The following GADL1 variants were observed in gnomAD, a reference collection of about 807,000 sequenced individuals.
GADL1 encodes the protein GAD like acidic amino acid decarboxylase 1, also known as acidic amino acid decarboxylase GADL1.
GADL1 carries 71 observed loss-of-function variants against 69.5 expected under a neutral mutation model. The ratio of observed to expected loss-of-function variants is 1.02; its 90% CI spans 0.84 to 1.25. GADL1 has a LOEUF of 1.25. Among genes scored for constraint, GADL1 ranks in the 50% most tolerant of loss-of-function variants. The pLI, the probability that GADL1 is intolerant of heterozygous loss-of-function variation, is 0.00. For synonymous variants in GADL1, 254 were observed against 214.4 expected (o/e 1.18, Z -1.62); for missense variants, 737 against 631.8 (o/e 1.17, Z -1.79).
intron 8 of GADL1, among the ~76,000 whole-genome samples, chr3:30,842,304 C>T (rs1287062987): frequency 6.6e-6 from 1 of 151,892 alleles, no homozygotes; most frequent in Non-Finnish European, 1.5e-5. Flanking sequence ...CATAAATATA[C>T]TCAACTATTT....
At chr3:30,870,807 G>T (rs1163413481) in intron 1 of GADL1, among the ~76,000 whole-genome samples, 2 of 151,662 alleles carry the variant, frequency 1.3e-5, no homozygotes, top group African/African-American at 4.9e-5. Context: ...GAAAGCAAAA[G>T]AATTTAAAGT....
At chr3:30,755,420 C>G (rs1695944924) in intron 14 of GADL1, among the ~76,000 whole-genome samples, 1 of 152,174 alleles carries the variant, frequency 6.6e-6, no homozygotes, top group Admixed American at 6.6e-5. Context: ...AAAAACTTCT[C>G]TAAGCCAGCA....
chr3:30,756,724 A>C (rs998489393), intron 14 of GADL1, among the ~76,000 whole-genome samples: 1 of 152,166 alleles, frequency 6.6e-6, no homozygotes, highest in African/African-American at 2.4e-5. Flanking sequence ...GTTGTCCCAG[A>C]TGAGGCCATC....
chr3:30,834,167 G>T, intron 10 of GADL1, 50 bp downstream of exon 10: 1 of 1,376,272 alleles, frequency 7.3e-7, no homozygotes. Flanking sequence ...AGTCCAAAGA[G>T]ATCCCTTTGC....
chr3:30,881,590 A>G (rs1698641460), intron 1 of GADL1, among the ~76,000 whole-genome samples: 1 of 151,926 alleles, frequency 6.6e-6, no homozygotes, highest in African/African-American at 2.4e-5. Context: ...TAAGAACTCA[A>G]GAACAGCAAT....
chr3:30,790,304 A>G (rs553054920), intron 12 of GADL1, among the ~76,000 whole-genome samples: 61 of 152,296 alleles, frequency 4.0e-4, no homozygotes, highest in African/African-American at 1.4e-3. Context: ...GGTGCATTCT[A>G]TGGAGCCCCA....
chr3:30,818,754 C>A (rs1302582123), intron 11 of GADL1, among the ~76,000 whole-genome samples: 1 of 152,064 alleles, frequency 6.6e-6, no homozygotes, highest in Non-Finnish European at 1.5e-5. Flanking sequence ...AATCTGGCAA[C>A]CCTACACTGA....
intron 14 of GADL1, among the ~76,000 whole-genome samples, chr3:30,753,096 G>A (rs1575184947): frequency 6.6e-6 from 1 of 152,106 alleles, no homozygotes; most frequent in East Asian, 1.9e-4. Context: ...ATAAATAAGT[G>A]CAGTGTCTTT....
chr3:30,788,819 G>A (rs1696853931), intron 12 of GADL1, among the ~76,000 whole-genome samples: 1 of 152,132 alleles, frequency 6.6e-6, no homozygotes, highest in Non-Finnish European at 1.5e-5. Context: ...CATAGGAAGA[G>A]GCTCCTCATC....
At chr3:30,752,574 G>A (rs1265623975) in intron 14 of GADL1, among the ~76,000 whole-genome samples, 2 of 152,130 alleles carry the variant, frequency 1.3e-5, no homozygotes, top group African/African-American at 4.8e-5. Flanking sequence ...CAGTCTCGAG[G>A]AGTTATGCGA....
chr3:30,886,932 C>T (rs1038016662), intron 1 of GADL1, among the ~76,000 whole-genome samples: 4 of 152,182 alleles, frequency 2.6e-5, no homozygotes, highest in Admixed American at 6.5e-5. Context: ...AACAGCAGCA[C>T]GTACAGAATG....
At chr3:30,784,082 A>T (rs1037487049) in intron 13 of GADL1, among the ~76,000 whole-genome samples, 5 of 152,182 alleles carry the variant, frequency 3.3e-5, no homozygotes, top group Admixed American at 1.3e-4. Flanking sequence ...CTCAATTCAA[A>T]TAGGACTGCT....
intron 12 of GADL1, among the ~76,000 whole-genome samples, chr3:30,794,171 G>A (rs775026896): frequency 1.3e-4 from 20 of 152,054 alleles, no homozygotes; most frequent in Non-Finnish European, 2.1e-4. Flanking sequence ...TACACCCCTC[G>A]GTATCCATGC....
At chr3:30,752,684 A>C (rs1488394165) in intron 14 of GADL1, among the ~76,000 whole-genome samples, 1 of 152,196 alleles carries the variant, frequency 6.6e-6, no homozygotes, top group Non-Finnish European at 1.5e-5. Context: ...CAGTAGCAGA[A>C]GGGAGAAAGT....
At chr3:30,875,794 A>C (rs573985896) in intron 1 of GADL1, among the ~76,000 whole-genome samples, 1 of 152,036 alleles carries the variant, frequency 6.6e-6, no homozygotes, top group East Asian at 2.0e-4. Context: ...CGTGATGGGT[A>C]GATACAGACA....
chr3:30,852,443 G>A (rs967556632), intron 4 of GADL1, among the ~76,000 whole-genome samples: 6 of 152,016 alleles, frequency 3.9e-5, no homozygotes, highest in African/African-American at 9.7e-5. Flanking sequence ...CCTGGGAGGC[G>A]GAGGTTGCAG....
intron 1 of GADL1, among the ~76,000 whole-genome samples, chr3:30,888,017 C>T (rs1347238822): frequency 6.6e-6 from 1 of 152,152 alleles, no homozygotes. Flanking sequence ...GCACATCCTC[C>T]TGTATATTGT....
chr3:30,764,289 A>G (rs192735770), intron 14 of GADL1, among the ~76,000 whole-genome samples: 3 of 152,316 alleles, frequency 2.0e-5, no homozygotes, highest in East Asian at 1.9e-4. Flanking sequence ...AGTAGAAACT[A>G]ATTTCTAAGA....
Position 30,884,257 on chromosome 3 carries a change from C to A in GADL1, c.37+10321G>T, listed in dbSNP as rs535287634. On this transcript the variant is annotated intron_variant, in intron 1 of 14. Coordinates refer to ENST00000282538, the MANE Select transcript of GADL1 (RefSeq NM_207359.3). ...TATGGTGACCTGAGATGAAGCCCAG[C>A]TGGGGAAGGAAGATGCCTTCCCTGA... 4.6e-5 allele frequency among the ~76,000 whole-genome samples: 7 copies of A among 152,112 alleles called. No individual in the cohort carries two copies. The South Asian group carries it at 1.5e-3, about 32-fold the overall frequency.
Sources: allele counts gnomAD v4.1 joint callset (sites outside exome capture counted in the v4.1 genomes callset), GRCh38; gene constraint gnomAD v4.1.1; transcripts MANE v1.5; gene names NCBI Gene and HGNC (gene_info 2026-07-23, HGNC 2026-07-21).